The following DYM variants were observed in gnomAD, a reference collection of about 807,000 sequenced individuals.
DYM encodes the protein dyggve-Melchior-Clausen syndrome protein.
In DYM, 78 loss-of-function variants were observed where a neutral mutation model predicts 93.1. The ratio of observed to expected loss-of-function variants is 0.84; its 90% CI spans 0.70 to 1.01. DYM has a LOEUF of 1.01. Ranked by LOEUF, DYM falls within the 50% of genes least tolerant of loss-of-function variation. DYM has a pLI of 0.00. For missense variants in DYM, 789 were observed against 845.0 expected (o/e 0.93, Z 0.82); for synonymous variants, 321 against 319.7 (o/e 1.00, Z -0.04).
At chr18:49,390,149 G>A (rs538069612) in intron 3 of DYM, among the ~76,000 whole-genome samples, 11 of 152,284 alleles carry the variant, frequency 7.2e-5, no homozygotes, top group East Asian at 1.9e-4. Flanking sequence ...GCCCAGGCAC[G>A]GTGGCTAACA....
chr18:49,450,935 GTT>G, intron 1 of DYM, among the ~76,000 whole-genome samples: 1 of 151,220 alleles, frequency 6.6e-6, no homozygotes, highest in Non-Finnish European at 1.5e-5. Flanking sequence ...TCAAATGCAG[GTT>G]TTTAACAGCT....
intron 7 of DYM, 91 bp from the exon 8 acceptor site, chr18:49,332,097 T>C: frequency 7.9e-7 from 1 of 1,265,846 alleles, no homozygotes; most frequent in Non-Finnish European, 1.1e-6. Flanking sequence ...CCATTAACAC[T>C]ATCTGTTAAT....
chr18:49,239,364 T>C (rs1379957506), intron 13 of DYM, among the ~76,000 whole-genome samples: 1 of 152,186 alleles, frequency 6.6e-6, no homozygotes, highest in Non-Finnish European at 1.5e-5. Context: ...AGCAATAATT[T>C]ATAAAACTTA....
chr18:49,083,529 G>A (rs1182373305), intron 17 of DYM, among the ~76,000 whole-genome samples: 2 of 152,096 alleles, frequency 1.3e-5, no homozygotes, highest in African/African-American at 2.4e-5. Context: ...GAATGAGCTG[G>A]GTAGCATTCC....
Position 49,193,667 on chromosome 18 carries a change from A to G in DYM, c.1625+15884T>C, listed in dbSNP as rs140827830. ...ACTAAGCACATGTGTGGTGAGATAC[A>G]TTTATCTCACTTTATAATGCTGTGA... is the stretch of plus-strand genomic sequence containing the variant. On this transcript the variant is annotated intron_variant, in intron 14 of 17. Transcript: ENST00000675505. Among the ~76,000 whole-genome samples, 582 of 152,332 alleles carry G rather than the reference A, an allele frequency of 3.8e-3. 2 individuals carry two copies. Among genetic ancestry groups the G allele is most frequent in the Non-Finnish European group, 6.4e-3 (436 of 68,028 alleles).
intron 1 of DYM, among the ~76,000 whole-genome samples, chr18:49,447,854 G>A (rs1307172169): frequency 6.6e-6 from 1 of 152,106 alleles, no homozygotes; most frequent in Non-Finnish European, 1.5e-5. Flanking sequence ...ATAGCTCAAG[G>A]GGAAGCGTCT....
At chr18:49,434,269 C>A (rs1346746985) in intron 1 of DYM, among the ~76,000 whole-genome samples, 1 of 151,602 alleles carries the variant, frequency 6.6e-6, no homozygotes, top group Admixed American at 6.6e-5. Flanking sequence ...ATCACTTGAA[C>A]CTGGGAGGTG....
chr18:49,221,272 A>G (rs997711941), intron 13 of DYM, among the ~76,000 whole-genome samples: 2 of 152,066 alleles, frequency 1.3e-5, no homozygotes, highest in Non-Finnish European at 2.9e-5. Flanking sequence ...GCTGGAGAGG[A>G]TGTGGAGAAA....
chr18:49,283,595 A>G (rs544416053), intron 9 of DYM, among the ~76,000 whole-genome samples: 8 of 152,312 alleles, frequency 5.3e-5, no homozygotes, highest in Admixed American at 2.0e-4. Context: ...GAAGATAAAG[A>G]TAAGTTCAAT....
intron 13 of DYM, among the ~76,000 whole-genome samples, chr18:49,251,003 T>C (rs1339190308): frequency 3.3e-5 from 5 of 152,232 alleles, no homozygotes; most frequent in East Asian, 3.8e-4. Context: ...GTGTGCATTG[T>C]AGAATGTTTA....
intron 16 of DYM, among the ~76,000 whole-genome samples, chr18:49,099,729 T>C (rs1451254177): frequency 6.6e-6 from 1 of 152,140 alleles, no homozygotes; most frequent in Non-Finnish European, 1.5e-5. Flanking sequence ...AAGCACAGTA[T>C]TCACCCACGG....
At position 49,108,602 on chromosome 18, in the gene DYM, C is replaced by T. The variant is rs986323966; in HGVS notation, c.1911+10142G>A. On this transcript the variant is annotated intron_variant, in intron 16 of 17. Coordinates refer to ENST00000675505, the MANE Select transcript of DYM (RefSeq NM_001353214.3). ...TTTCACTGTGGTCAAAGAATATACT[C>T]TAGGTGATCTCATCTCATTTAAATT... 9.2e-5 allele frequency among the ~76,000 whole-genome samples: 14 copies of T among 152,230 alleles called. 1 individual carries two copies. Among genetic ancestry groups the T allele is most frequent in the Non-Finnish European group, 1.5e-4 (10 of 68,042 alleles).
intron 1 of DYM, among the ~76,000 whole-genome samples, chr18:49,441,458 T>C (rs1445507500): frequency 7.1e-6 from 1 of 141,664 alleles, no homozygotes; most frequent in African/African-American, 2.7e-5. Flanking sequence ...AGAGAAATAA[T>C]GGGCAATAAT....
intron 14 of DYM, among the ~76,000 whole-genome samples, chr18:49,191,664 T>A (rs181438011): frequency 6.6e-6 from 1 of 152,194 alleles, no homozygotes; most frequent in South Asian, 2.1e-4. Flanking sequence ...TTTTAGCCAG[T>A]TTTATAAATT....
At chr18:49,158,220 G>C (rs143718468) in intron 15 of DYM, among the ~76,000 whole-genome samples, 53 of 152,162 alleles carry the variant, frequency 3.5e-4, no homozygotes, top group Admixed American at 9.2e-4. Flanking sequence ...CACAAGTTTG[G>C]TTCTGTAGCT....
At chr18:49,287,351 T>A (rs917691909) in intron 8 of DYM, among the ~76,000 whole-genome samples, 1 of 150,030 alleles carries the variant, frequency 6.7e-6, no homozygotes, top group Non-Finnish European at 1.5e-5. Context: ...ATATATATAT[T>A]TTAAACTTAA....
chr18:49,317,574 T>C (rs991252150), intron 8 of DYM, among the ~76,000 whole-genome samples: 24 of 11,530 alleles, frequency 2.1e-3, no homozygotes, highest in African/African-American at 0.015. Context: ...TCTCTCTCTC[T>C]CTCTCTCTCT....
intron 13 of DYM, among the ~76,000 whole-genome samples, chr18:49,225,648 C>T (rs1285533714): frequency 6.6e-6 from 1 of 152,096 alleles, no homozygotes; most frequent in East Asian, 1.9e-4. Context: ...GAAATTCCTA[C>T]ATCTGTAGTA....
At chr18:49,058,318 CT>C (rs111921846) in intron 17 of DYM, among the ~76,000 whole-genome samples, 358 of 143,616 alleles carry the variant, frequency 2.5e-3, no homozygotes, top group South Asian at 7.3e-3. Context: ...TCTTTTTCTT[CT>C]TTTTTTTTTT....
Sources: gnomAD v4.1 joint callset for allele counts (sites outside exome capture counted in the v4.1 genomes callset) on GRCh38, gnomAD v4.1.1 for gene constraint, MANE v1.5 for transcripts, NCBI Gene and HGNC (gene_info 2026-07-23, HGNC 2026-07-21) for gene names.